Variants in CFAP97D2 observed in about 807,000 individuals in gnomAD.
CFAP97D2 encodes uncharacterized protein CFAP97D2.
intron 1 of CFAP97D2, among the ~76,000 whole-genome samples, chr13:114,182,393 T>C (rs1018331810): frequency 5.9e-5 from 9 of 152,264 alleles, no homozygotes; most frequent in South Asian, 2.1e-4. Context: ...ACCGAGACAT[T>C]CAGTTCCCAG....
chr13:114,198,679 A>G (rs141827426), intron 2 of CFAP97D2, among the ~76,000 whole-genome samples: 32,245 of 67,570 alleles, frequency 0.48, 9,097 homozygotes, highest in African/African-American at 0.72. Flanking sequence ...GAGGCGTGAC[A>G]GTGGGTCCCC....
chr13:114,206,131 T>A (rs2080939148), intron 3 of CFAP97D2, among the ~76,000 whole-genome samples: 1 of 148,560 alleles, frequency 6.7e-6, no homozygotes, highest in Admixed American at 6.8e-5. Flanking sequence ...TGAGACAAAG[T>A]CTTGCTTTGT....
chr13:114,182,608 C>A (rs1386886304), intron 1 of CFAP97D2, among the ~76,000 whole-genome samples: 1 of 152,190 alleles, frequency 6.6e-6, no homozygotes, highest in Non-Finnish European at 1.5e-5. Flanking sequence ...GTCCCTGCGG[C>A]TTTCTGCAGT....
chr13:114,217,489 A>C (rs1293837956), intron 4 of CFAP97D2, among the ~76,000 whole-genome samples: 1 of 152,230 alleles, frequency 6.6e-6, no homozygotes, highest in East Asian at 1.9e-4. Flanking sequence ...TATTCCAATC[A>C]ATAGAAAAAG....
rs117791622 is a variant in CFAP97D2, at chr13:114,204,244, C to T, written c.290+3801C>T. 5.3e-3 allele frequency among the ~76,000 whole-genome samples: 810 copies of T among 152,264 alleles called. 2 individuals carry two copies. Among genetic ancestry groups the T allele is most frequent in the Non-Finnish European group, 9.2e-3 (625 of 68,022 alleles). ...TGCTGAAGAGGGCTTTGTGCAGTAC[C>T]AATAACACCAAAGCTACAGTGAGCT... On this transcript the variant is annotated intron_variant, in intron 3 of 4. Coordinates refer to ENST00000646158, the Ensembl canonical transcript of CFAP97D2.
intron 3 of CFAP97D2, among the ~76,000 whole-genome samples, chr13:114,210,254 C>T (rs1446798906): frequency 2.0e-5 from 3 of 151,904 alleles, no homozygotes; most frequent in African/African-American, 7.2e-5. Context: ...ATGGGTTCAT[C>T]ACTTTCTTAA....
intron 1 of CFAP97D2, among the ~76,000 whole-genome samples, chr13:114,188,992 G>T (rs2080860240): frequency 6.7e-6 from 1 of 149,264 alleles, no homozygotes; most frequent in Non-Finnish European, 1.5e-5. Flanking sequence ...AAAAGAAGGA[G>T]GAGGCAAATT....
chr13:114,212,380 G>A (rs944425840), intron 4 of CFAP97D2: 3 of 264,010 alleles, frequency 1.1e-5, no homozygotes, highest in African/African-American at 4.4e-5. Flanking sequence ...GAAAGATTTG[G>A]TGAAAATAAC....
chr13:114,221,901 C>T (rs1346792293), intron 4 of CFAP97D2, among the ~76,000 whole-genome samples: 2 of 152,170 alleles, frequency 1.3e-5, no homozygotes, highest in African/African-American at 4.8e-5. Flanking sequence ...ATGCAAAAAC[C>T]CATACACTGA....
intron 2 of CFAP97D2, among the ~76,000 whole-genome samples, chr13:114,197,328 A>G (rs1309953073): frequency 1.3e-5 from 2 of 152,204 alleles, no homozygotes; most frequent in African/African-American, 4.8e-5. Context: ...TATTGCTACA[A>G]AGAGTCTTTT....
rs935349454 is a variant in CFAP97D2, at chr13:114,185,775, G to C, written c.90+6355G>C. On this transcript the variant is annotated intron_variant, in intron 1 of 4. Coordinates refer to ENST00000646158, the Ensembl canonical transcript of CFAP97D2. This position sits in a 1 kb window ranked among gnomAD's most constrained non-coding sequence, Gnocchi z 5.2. ...GCCACCTCAGCCCCCTCCAGATTTG[G>C]GCACTGACAAGCACAGGAGGGAGGC... is the stretch of plus-strand genomic sequence containing the variant. Among the ~76,000 whole-genome samples, 1 of 152,262 alleles carries C rather than the reference G, an allele frequency of 6.6e-6. No individual in the cohort carries two copies. The highest frequency in any genetic ancestry group is 1.5e-5 in the Non-Finnish European group (1 of 68,048).
chr13:114,214,582 T>TTTG (rs1555350694), intron 4 of CFAP97D2, among the ~76,000 whole-genome samples: 1 of 150,874 alleles, frequency 6.6e-6, no homozygotes, highest in African/African-American at 2.4e-5. Flanking sequence ...ATATTTGAGG[T>TTTG]TTTGTTTGTT....
chr13:114,221,781 A>G (rs1452838466), intron 4 of CFAP97D2, among the ~76,000 whole-genome samples: 1 of 151,954 alleles, frequency 6.6e-6, no homozygotes, highest in African/African-American at 2.4e-5. Context: ...AGAGTGGTGC[A>G]GCCACTTTGG....
intron 3 of CFAP97D2, among the ~76,000 whole-genome samples, chr13:114,209,732 T>A (rs1224023240): frequency 6.6e-6 from 1 of 152,196 alleles, no homozygotes; most frequent in East Asian, 1.9e-4. Context: ...GAAAGCACAG[T>A]CACTTACTTG....
In CFAP97D2 at chr13:114,207,343, T is replaced by C. The variant is rs951900134; in HGVS notation, c.291-4569T>C. 6.6e-6 allele frequency among the ~76,000 whole-genome samples: 1 copy of C among 152,076 alleles called. No homozygotes were observed. The highest frequency in any genetic ancestry group is 2.4e-5 in the African/African-American group (1 of 41,402). On this transcript the variant is annotated intron_variant, in intron 3 of 4. Coordinates refer to ENST00000646158, the Ensembl canonical transcript of CFAP97D2. The surrounding 1 kb of genome is among the most constrained non-coding windows in gnomAD (Gnocchi z 4.9). The stretch of plus-strand genomic sequence containing the variant: ...CGTTCTTGTGAAGCTTGATATTACA[T>C]TGTAATATAGAATGAAGTAATTATA...
intron 1 of CFAP97D2, among the ~76,000 whole-genome samples, chr13:114,181,122 A>G (rs578257631): frequency 5.9e-5 from 9 of 152,362 alleles, no homozygotes; most frequent in Admixed American, 3.3e-4. Context: ...TTCTGGCACG[A>G]AAGTGTTGAA....
At chr13:114,222,670 G>C, downstream of CFAP97D2, 1 of 394,620 alleles carries the variant, frequency 2.5e-6, no homozygotes, top group Non-Finnish European at 4.5e-6. This position sits in a 1 kb window ranked among gnomAD's most constrained non-coding sequence, Gnocchi z 4.4. Flanking sequence ...CACAGCCAGC[G>C]GTCTCAGGGC....
chr13:114,184,164 G>T (rs189774308), intron 1 of CFAP97D2, among the ~76,000 whole-genome samples: 58 of 152,218 alleles, frequency 3.8e-4, no homozygotes, highest in Non-Finnish European at 5.6e-4. Context: ...AAAACCAGCC[G>T]AACAGCCAAA....
In CFAP97D2 at chr13:114,187,743, C is replaced by A. The variant is rs1326150779; in HGVS notation, c.90+8323C>A. Reference sequence around the variant, plus strand: ...TGAACTCAACGTCATCATCAATCAACTAGATATAATTGATATCTATCATCC... The same window carrying A: ...TGAACTCAACGTCATCATCAATCAAATAGATATAATTGATATCTATCATCC... On this transcript the variant is annotated intron_variant, in intron 1 of 4. Coordinates refer to ENST00000646158, the Ensembl canonical transcript of CFAP97D2. The surrounding 1 kb of genome is among the most constrained non-coding windows in gnomAD (Gnocchi z 4.2). 6.6e-6 allele frequency among the ~76,000 whole-genome samples: 1 copy of A among 152,158 alleles called. No homozygotes were observed. The highest frequency in any genetic ancestry group is 1.5e-5 in the Non-Finnish European group (1 of 68,028).
Sources: allele counts gnomAD v4.1 joint callset (sites outside exome capture counted in the v4.1 genomes callset), GRCh38; gene constraint gnomAD v4.1.1; non-coding constraint Gnocchi (gnomAD v3.1); transcripts MANE v1.5; gene names NCBI Gene and HGNC (gene_info 2026-07-23, HGNC 2026-07-21).